Variants in CADPS2 observed in about 807,000 individuals in gnomAD.
The protein encoded by CADPS2 is calcium-dependent secretion activator 2.
A neutral mutation model predicts 172.5 loss-of-function variants in CADPS2; 93 were observed. The observed-to-expected ratio is 0.54, with a 90% CI of 0.46 to 0.64. The LOEUF is 0.64. Among genes scored for constraint, CADPS2 ranks in the 30% least tolerant of loss-of-function variants. CADPS2 has a pLI of 0.00. For missense variants in CADPS2, 1,420 were observed against 1,565.9 expected (o/e 0.91, Z 1.57); for synonymous variants, 546 against 555.2 (o/e 0.98, Z 0.23).
At chr7:122,406,120 C>T (rs1314479820) in intron 20 of CADPS2, among the ~76,000 whole-genome samples, 1 of 152,074 alleles carries the variant, frequency 6.6e-6, no homozygotes, top group East Asian at 1.9e-4. Context: ...TTTAGGATGT[C>T]CATGGAAAGT....
chr7:122,399,850 C>T (rs2045713558), intron 20 of CADPS2, among the ~76,000 whole-genome samples: 2 of 150,856 alleles, frequency 1.3e-5, no homozygotes, highest in Non-Finnish European at 3.0e-5. Flanking sequence ...CTACGCCCGG[C>T]TAACTTTTTG....
chr7:122,547,066 T>A (rs2063698047), intron 8 of CADPS2, among the ~76,000 whole-genome samples: 1 of 143,992 alleles, frequency 6.9e-6, no homozygotes, highest in Middle Eastern at 3.8e-3. Flanking sequence ...GAAGCTCAAA[T>A]CTAGGGTGTT....
chr7:122,527,624 G>A (rs2061373877), intron 8 of CADPS2, among the ~76,000 whole-genome samples: 1 of 98,426 alleles, frequency 1.0e-5, no homozygotes, highest in East Asian at 2.9e-4. Context: ...GAGAGTGTGT[G>A]TGTGTGTGTG....
At chr7:122,771,431 G>A (rs947537588) in intron 1 of CADPS2, among the ~76,000 whole-genome samples, 3 of 152,148 alleles carry the variant, frequency 2.0e-5, no homozygotes, top group African/African-American at 7.2e-5. Flanking sequence ...GTTCACCCAT[G>A]CATCCATCCT....
chr7:122,820,213 CCT>C (rs1317390339), intron 1 of CADPS2, among the ~76,000 whole-genome samples: 1 of 152,126 alleles, frequency 6.6e-6, no homozygotes, highest in Non-Finnish European at 1.5e-5. Context: ...TTAATCCCAG[CCT>C]CTCTTCACTT....
intron 3 of CADPS2, among the ~76,000 whole-genome samples, chr7:122,653,644 G>C (rs1210392170): frequency 6.6e-6 from 1 of 152,130 alleles, no homozygotes; most frequent in Admixed American, 6.6e-5. Flanking sequence ...CCTGAGTCAA[G>C]CAAGTCTATA....
At chr7:122,566,626 T>A (rs941812942) in intron 7 of CADPS2, among the ~76,000 whole-genome samples, 6 of 152,276 alleles carry the variant, frequency 3.9e-5, no homozygotes, top group African/African-American at 1.2e-4. Flanking sequence ...AAGAGCTTAG[T>A]AATACACTTG....
intron 2 of CADPS2, among the ~76,000 whole-genome samples, chr7:122,680,462 C>T (rs2135790959): frequency 6.6e-6 from 1 of 152,272 alleles, no homozygotes; most frequent in African/African-American, 2.4e-5. Context: ...ACCTGTAATC[C>T]CAGCACTTTG....
intron 14 of CADPS2, 53 bp downstream of exon 14, chr7:122,471,322 C>T (rs1183449160): frequency 1.6e-6 from 2 of 1,281,380 alleles, no homozygotes; most frequent in African/African-American, 1.6e-5. Context: ...ATTTTTCTCT[C>T]TTTTCCATAG....
chr7:122,848,562 A>C (rs1269616028), intron 1 of CADPS2, among the ~76,000 whole-genome samples: 1 of 152,180 alleles, frequency 6.6e-6, no homozygotes, highest in Non-Finnish European at 1.5e-5. Flanking sequence ...AACTTTTATA[A>C]AGCTAAAAAG....
At chr7:122,523,897 A>G (rs551540536) in intron 8 of CADPS2, among the ~76,000 whole-genome samples, 5 of 152,272 alleles carry the variant, frequency 3.3e-5, no homozygotes, top group African/African-American at 9.6e-5. Flanking sequence ...CAACCAGGCA[A>G]ACTTGCAGAG....
At chr7:122,607,377 G>T (rs1425616910) in intron 6 of CADPS2, among the ~76,000 whole-genome samples, 1 of 152,114 alleles carries the variant, frequency 6.6e-6, no homozygotes, top group Non-Finnish European at 1.5e-5. Flanking sequence ...TTGTGCTGTG[G>T]TAAGAATTAA....
At chr7:122,690,416 G>A (rs1006149384) in intron 2 of CADPS2, among the ~76,000 whole-genome samples, 24 of 152,066 alleles carry the variant, frequency 1.6e-4, no homozygotes, top group African/African-American at 5.3e-4. Context: ...CCCTACGAAC[G>A]GCTAATTGTG....
intron 6 of CADPS2, among the ~76,000 whole-genome samples, chr7:122,590,524 T>A (rs752139018): frequency 2.0e-5 from 3 of 151,910 alleles, no homozygotes; most frequent in Non-Finnish European, 4.4e-5. Flanking sequence ...ACTCTTCTAA[T>A]GATGGACTGT....
At chr7:122,827,805 A>G (rs1484164020) in intron 1 of CADPS2, among the ~76,000 whole-genome samples, 2 of 152,196 alleles carry the variant, frequency 1.3e-5, no homozygotes, top group Admixed American at 6.5e-5. Context: ...AGTATCACTC[A>G]TGTCTATAAT....
intron 3 of CADPS2, among the ~76,000 whole-genome samples, chr7:122,659,990 C>T (rs1049237022): frequency 6.6e-6 from 1 of 152,036 alleles, no homozygotes; most frequent in African/African-American, 2.4e-5. Context: ...TCTTGGCCTA[C>T]AAGACATGAT....
chr7:122,735,659 C>A (rs1468446912), intron 2 of CADPS2, among the ~76,000 whole-genome samples: 1 of 152,148 alleles, frequency 6.6e-6, no homozygotes, highest in Non-Finnish European at 1.5e-5. Flanking sequence ...CCCTGCTGAT[C>A]CAATTTCAGT....
intron 16 of CADPS2, among the ~76,000 whole-genome samples, chr7:122,439,191 C>A (rs1180330036): frequency 6.6e-6 from 1 of 152,098 alleles, no homozygotes; most frequent in East Asian, 1.9e-4. Flanking sequence ...GGGGAAAATG[C>A]AATTACATCC....
intron 1 of CADPS2, among the ~76,000 whole-genome samples, chr7:122,874,449 C>G (rs1171457641): frequency 6.6e-6 from 1 of 152,168 alleles, no homozygotes; most frequent in Non-Finnish European, 1.5e-5. Flanking sequence ...ATGAAAATGG[C>G]CACACTACCC....
Sources: allele counts gnomAD v4.1 joint callset (sites outside exome capture counted in the v4.1 genomes callset), GRCh38; gene constraint gnomAD v4.1.1; transcripts MANE v1.5; gene names NCBI Gene and HGNC (gene_info 2026-07-23, HGNC 2026-07-21).